The following BTG4 variants were observed in gnomAD, a reference collection of about 807,000 sequenced individuals.
BTG4 encodes protein BTG4.
BTG4 carries 10 observed loss-of-function variants against 19.3 expected under a neutral mutation model. That is an observed-to-expected ratio of 0.52 (90% CI 0.32 to 0.88). The LOEUF (loss-of-function observed/expected upper bound fraction) is 0.88. BTG4 is among the 40% of genes least tolerant of loss of function. The pLI is 0.04. For missense variants in BTG4, 238 were observed against 281.9 expected (o/e 0.84, Z 1.11); for synonymous variants, 91 against 95.7 (o/e 0.95, Z 0.29).
At chr11:111,508,803 T>A (rs141319485) in intron 1 of BTG4, among the ~76,000 whole-genome samples, 1 of 149,732 alleles carries the variant, frequency 6.7e-6, no homozygotes, top group Non-Finnish European at 1.5e-5. Flanking sequence ...CTTAATCTAT[T>A]ACTATAAGTT....
At chr11:111,506,436 C>A (rs139587849) in intron 1 of BTG4, among the ~76,000 whole-genome samples, 1 of 151,930 alleles carries the variant, frequency 6.6e-6, no homozygotes, top group Non-Finnish European at 1.5e-5. Flanking sequence ...AGAAATGGTA[C>A]ATGTGGAAAT....
At chr11:111,489,236 T>A (rs1226413853) in intron 5 of BTG4, among the ~76,000 whole-genome samples, 4 of 151,746 alleles carry the variant, frequency 2.6e-5, no homozygotes, top group African/African-American at 9.7e-5. Flanking sequence ...CAATGAGATA[T>A]CATCTCACCC....
chr11:111,463,513 G>C (rs376738630), downstream of BTG4: 1 of 152,616 alleles, frequency 6.6e-6, no homozygotes, highest in African/African-American at 2.4e-5. Context: ...CTATTCCAGC[G>C]TTGTCTTCTG....
At chr11:111,455,183 C>A in the BTG4 span, 2 of 406,676 alleles carry the variant, frequency 4.9e-6, no homozygotes, top group Non-Finnish European at 5.0e-6. Flanking sequence ...AGCACCTCCC[C>A]AACCTGTTCC....
chr11:111,454,186 T>C, the BTG4 span: 2 of 427,360 alleles, frequency 4.7e-6, no homozygotes, highest in Non-Finnish European at 9.2e-6. Context: ...GTAGGGAAGC[T>C]CATATTTGCA....
upstream of BTG4, chr11:111,514,469 G>A (rs1389153140): frequency 2.4e-5 from 9 of 374,594 alleles, no homozygotes; most frequent in East Asian, 5.7e-5. Flanking sequence ...CTATCTTTCT[G>A]GGGGGAGGGG....
chr11:111,467,463 A>T (rs571773603), downstream of BTG4: 3 of 501,538 alleles, frequency 6.0e-6, no homozygotes, highest in East Asian at 9.8e-5. Flanking sequence ...CAATGCATTT[A>T]CTTCTCATCA....
chr11:111,444,681 A>G, the BTG4 span, among the ~76,000 whole-genome samples: 1 of 152,240 alleles, frequency 6.6e-6, no homozygotes, highest in African/African-American at 2.4e-5. Context: ...CCATAAATAT[A>G]TACACCTACT....
At chr11:111,445,256 G>A in the BTG4 span, among the ~76,000 whole-genome samples, 1 of 152,168 alleles carries the variant, frequency 6.6e-6, no homozygotes, top group East Asian at 1.9e-4. Context: ...GAATGAACAC[G>A]CTCCCTTCCC....
At chr11:111,451,944 G>A in the BTG4 span, among the ~76,000 whole-genome samples, 2 of 152,124 alleles carry the variant, frequency 1.3e-5, no homozygotes, top group Non-Finnish European at 2.9e-5. Context: ...GAGAGGATGG[G>A]AACACAAGTA....
At chr11:111,437,696 C>T in the BTG4 span, among the ~76,000 whole-genome samples, 1 of 152,254 alleles carries the variant, frequency 6.6e-6, no homozygotes, top group African/African-American at 2.4e-5. Flanking sequence ...TGCATCCCCA[C>T]CACTACCCAG....
chr11:111,450,331 C>T, the BTG4 span: 10,498 of 152,668 alleles, frequency 0.069, 1,228 homozygotes, highest in African/African-American at 0.24. Context: ...TGCCTCTTTT[C>T]GTTTCCAGGA....
At chr11:111,386,510 T>C in the BTG4 span, among the ~76,000 whole-genome samples, 150,581 of 152,312 alleles carry the variant, frequency 0.99, 74,464 homozygotes, top group East Asian at 1. Flanking sequence ...AAAGTCAGAC[T>C]TATAGAGGAT....
At chr11:111,406,466 C>T in the BTG4 span, among the ~76,000 whole-genome samples, 1 of 152,218 alleles carries the variant, frequency 6.6e-6, no homozygotes, top group Non-Finnish European at 1.5e-5. Flanking sequence ...TGTCTTGCCT[C>T]TGCTCACTTT....
At chr11:111,412,255 G>A in the BTG4 span, among the ~76,000 whole-genome samples, 1 of 152,226 alleles carries the variant, frequency 6.6e-6, no homozygotes, top group Non-Finnish European at 1.5e-5. Context: ...GGCTGCTGTG[G>A]TTCAAAGGCA....
intron 1 of BTG4, among the ~76,000 whole-genome samples, chr11:111,510,901 C>T (rs1866848712): frequency 6.6e-6 from 1 of 152,182 alleles, no homozygotes; most frequent in Admixed American, 6.5e-5. Flanking sequence ...AACTAATAAT[C>T]ATAAAACATC....
the BTG4 span, chr11:111,451,301 G>A: frequency 2.0e-5 from 8 of 404,202 alleles, no homozygotes; most frequent in South Asian, 1.2e-4. Flanking sequence ...TCCGGGCCCT[G>A]GCTGAGGAGT....
chr11:111,480,449 C>A (rs1229461428), intron 5 of BTG4, among the ~76,000 whole-genome samples: 1 of 152,008 alleles, frequency 6.6e-6, no homozygotes, highest in East Asian at 1.9e-4. Flanking sequence ...TCGACACCAT[C>A]AATCAACATT....
chr11:111,420,570 C>T, the BTG4 span, among the ~76,000 whole-genome samples: 11 of 152,220 alleles, frequency 7.2e-5, no homozygotes, highest in Non-Finnish European at 1.3e-4. Flanking sequence ...CCTCAAAAGT[C>T]ACAGGAGCTG....
Sources: gnomAD v4.1 joint callset for allele counts (sites outside exome capture counted in the v4.1 genomes callset) on GRCh38, gnomAD v4.1.1 for gene constraint, MANE v1.5 for transcripts, NCBI Gene and HGNC (gene_info 2026-07-23, HGNC 2026-07-21) for gene names.